The following AKAP12 variants were observed in gnomAD, a reference collection of about 807,000 sequenced individuals.
The protein encoded by AKAP12 is A-kinase anchor protein 12.
A neutral mutation model predicts 79.9 loss-of-function variants in AKAP12; 32 were observed. The ratio of observed to expected loss-of-function variants is 0.40; its 90% CI spans 0.30 to 0.54. AKAP12 has a LOEUF of 0.54. Ranked by LOEUF, AKAP12 falls within the 20% of genes least tolerant of loss-of-function variation. The pLI, the probability that AKAP12 is intolerant of heterozygous loss-of-function variation, is 0.48. For missense variants in AKAP12, 2,074 were observed against 2,177.0 expected (o/e 0.95, Z 0.94); for synonymous variants, 808 against 857.0 (o/e 0.94, Z 1.00).
In AKAP12 at chr6:151,351,344, T is replaced by A. The variant is rs376534113; in HGVS notation, c.2953T>A (p.Leu985Met). Residue 985 changes from leucine (L) to methionine (M), a missense_variant, in exon 4 of 5, where the codon TTG (leucine) becomes ATG (methionine). This residue lies in a region of AKAP12 where 1,428 missense variants were observed against 1,451.0 expected (regional missense o/e 0.98). Coordinates refer to ENST00000402676, the MANE Select transcript of AKAP12 (RefSeq NM_005100.4). The surrounding 1 kb of genome is among the most constrained non-coding windows in gnomAD (Gnocchi z 4.4). ...GACAGCTGCAGAAACTGCAGGGCCA[T>A]TGGGTGCCGAAGAAGGAACCGAAGC... ...AVTAAETAGPLGAEEGTEASA... is the reference protein window; with the variant it reads ...AVTAAETAGPMGAEEGTEASA... 2 of 1,614,008 alleles carry A rather than the reference T, an allele frequency of 1.2e-6. No homozygotes were observed. Among genetic ancestry groups the A allele is most frequent in the Non-Finnish European group, 1.7e-6 (2 of 1,180,040 alleles).
At chr6:151,316,394 C>G (rs896912165) in intron 3 of AKAP12, among the ~76,000 whole-genome samples, 2 of 152,096 alleles carry the variant, frequency 1.3e-5, no homozygotes, top group African/African-American at 4.8e-5. Flanking sequence ...TCATTATCCC[C>G]CTGTATTAAT....
chr6:151,253,290 A>G (rs1797222735), intron 2 of AKAP12, among the ~76,000 whole-genome samples: 1 of 152,226 alleles, frequency 6.6e-6, no homozygotes, highest in Non-Finnish European at 1.5e-5. Flanking sequence ...ATTTTTCACA[A>G]AGTTATAGGA....
At chr6:151,254,241 G>T (rs1797245864) in intron 2 of AKAP12, among the ~76,000 whole-genome samples, 1 of 151,956 alleles carries the variant, frequency 6.6e-6, no homozygotes, top group African/African-American at 2.4e-5. Flanking sequence ...AAAAATAGTT[G>T]ACCTTAATGT....
At chr6:151,327,224 G>C (rs1483923145) in intron 3 of AKAP12, among the ~76,000 whole-genome samples, 4 of 151,490 alleles carry the variant, frequency 2.6e-5, no homozygotes, top group Non-Finnish European at 1.5e-5. Flanking sequence ...ACAAGAATGT[G>C]AAAGTTCAGC....
intron 2 of AKAP12, among the ~76,000 whole-genome samples, chr6:151,285,927 G>T (rs1776497249): frequency 6.6e-6 from 1 of 151,360 alleles, no homozygotes; most frequent in Admixed American, 6.6e-5. Flanking sequence ...ACCCAGGCTG[G>T]AGTGAAATGG....
intron 2 of AKAP12, among the ~76,000 whole-genome samples, chr6:151,263,029 T>C (rs1797468277): frequency 6.6e-6 from 1 of 152,114 alleles, no homozygotes; most frequent in Non-Finnish European, 1.5e-5. Flanking sequence ...TGGATTTCTT[T>C]CCTTTTCGGG....
chr6:151,248,267 A>ATT (rs112053514), intron 2 of AKAP12, among the ~76,000 whole-genome samples: 36,677 of 140,620 alleles, frequency 0.26, 5,616 homozygotes, highest in Non-Finnish European at 0.35. Context: ...GGATTCTGTG[A>ATT]TTTTTTTTTT....
chr6:151,304,837 G>A (rs1776942860), intron 2 of AKAP12, among the ~76,000 whole-genome samples: 1 of 151,906 alleles, frequency 6.6e-6, no homozygotes, highest in South Asian at 2.1e-4. Context: ...CTCCCAAAGT[G>A]CTGGGATTAC....
At chr6:151,284,254 A>C (rs1168023291) in intron 2 of AKAP12, among the ~76,000 whole-genome samples, 1 of 152,106 alleles carries the variant, frequency 6.6e-6, no homozygotes, top group Non-Finnish European at 1.5e-5. Flanking sequence ...TGAAACCTGC[A>C]CGTTGAGTCA....
At chr6:151,240,325 G>A (rs1171069979) in intron 1 of AKAP12, 59 bp from the exon 2 acceptor site, 7 of 386,636 alleles carry the variant, frequency 1.8e-5, no homozygotes, top group Non-Finnish European at 3.2e-5. Flanking sequence ...GGGAAAAACC[G>A]GGGGGAGGGG....
At chr6:151,346,940 T>C (rs1009613186) in intron 3 of AKAP12, among the ~76,000 whole-genome samples, 1 of 152,254 alleles carries the variant, frequency 6.6e-6, no homozygotes, top group Non-Finnish European at 1.5e-5. Context: ...TTACCTTTTT[T>C]AGTATCACTC....
intron 3 of AKAP12, among the ~76,000 whole-genome samples, chr6:151,332,033 G>GTTGTTTTTGTTTTTTTTTTTTTT: frequency 1.3e-5 from 1 of 79,682 alleles, no homozygotes; most frequent in African/African-American, 5.4e-5. Context: ...TTCTGGGTCT[G>GTTGTTTTTGTTTTTTTTTTTTTT]TTTTTTTTTT....
intron 3 of AKAP12, among the ~76,000 whole-genome samples, chr6:151,336,607 C>T (rs1028623146): frequency 5.9e-5 from 9 of 152,020 alleles, no homozygotes; most frequent in African/African-American, 1.7e-4. Flanking sequence ...TAGCCAGGCG[C>T]GGTGGCATGT....
intron 2 of AKAP12, among the ~76,000 whole-genome samples, chr6:151,258,205 C>T (rs1428474395): frequency 6.6e-6 from 1 of 152,208 alleles, no homozygotes; most frequent in Non-Finnish European, 1.5e-5. Flanking sequence ...TGTATGTGAA[C>T]TTGAACGAAG....
intron 3 of AKAP12, among the ~76,000 whole-genome samples, chr6:151,326,987 T>G (rs933743333): frequency 6.6e-6 from 1 of 152,120 alleles, no homozygotes; most frequent in Non-Finnish European, 1.5e-5. Context: ...CAGATAATTT[T>G]TGTATTTTTA....
intron 3 of AKAP12, among the ~76,000 whole-genome samples, chr6:151,348,045 C>T (rs554374844): frequency 4.9e-4 from 75 of 151,872 alleles, no homozygotes; most frequent in African/African-American, 1.4e-3. Flanking sequence ...CCTCCCTACT[C>T]GGGAGGCTGA....
At chr6:151,335,649 T>G (rs1000651035) in intron 3 of AKAP12, among the ~76,000 whole-genome samples, 1 of 152,150 alleles carries the variant, frequency 6.6e-6, no homozygotes, top group Non-Finnish European at 1.5e-5. Flanking sequence ...TTTTGTATTT[T>G]TAGTAGAGAC....
intron 3 of AKAP12, among the ~76,000 whole-genome samples, chr6:151,318,915 G>T (rs973714137): frequency 3.3e-5 from 5 of 152,166 alleles, no homozygotes; most frequent in African/African-American, 1.2e-4. Flanking sequence ...TGTAGCCTGG[G>T]TGACAGAGTG....
intron 2 of AKAP12, among the ~76,000 whole-genome samples, chr6:151,282,506 T>C (rs1451344692): frequency 6.6e-6 from 1 of 152,092 alleles, no homozygotes; most frequent in East Asian, 1.9e-4. Flanking sequence ...AGCCCTTTGG[T>C]CTAGAGGTGC....
Sources: gnomAD v4.1 joint callset for allele counts (sites outside exome capture counted in the v4.1 genomes callset) on GRCh38, gnomAD v4.1.1 for gene constraint, gnomAD v4.1.1 regional missense constraint, Gnocchi (gnomAD v3.1) non-coding constraint, MANE v1.5 for transcripts, NCBI Gene and HGNC (gene_info 2026-07-23, HGNC 2026-07-21) for gene names.